MSANTD2: variants seen among roughly 807,000 people sequenced by gnomAD.
MSANTD2 encodes the protein myb/SANT-like DNA-binding domain-containing protein 2.
Under a neutral mutation model 52.6 loss-of-function variants are expected in MSANTD2, and 19 were observed. The ratio of observed to expected loss-of-function variants is 0.36; its 90% confidence interval spans 0.25 to 0.53. The LOEUF (loss-of-function observed/expected upper bound fraction) is 0.53. Ranked by LOEUF, MSANTD2 falls within the 20% of genes least tolerant of loss-of-function variation. The pLI, the probability that MSANTD2 is intolerant of heterozygous loss-of-function variation, is 0.91. For synonymous variants in MSANTD2, 291 were observed against 289.7 expected, an observed-to-expected ratio of 1.00 and a Z score of -0.04; for missense variants, 558 against 716.3, an observed-to-expected ratio of 0.78 and a Z score of 2.52.
Position 124,766,908 on chromosome 11 carries a change from AT to A in MSANTD2, c.*267del, listed in dbSNP as rs1944319987. ...TTAGGGCTCTAAAATCCATTTAAAAATTGTTTTTCTGTTTTTAAAAAAGAAA... is the reference window on the plus strand; with the variant it reads ...TTAGGGCTCTAAAATCCATTTAAAAATGTTTTTCTGTTTTTAAAAAAGAAA... On this transcript the variant is annotated 3_prime_UTR_variant, in exon 4 of 4. Coordinates refer to ENST00000374979, the MANE Select transcript of MSANTD2 (RefSeq NM_001308027.2). 3.1e-6 allele frequency: 1 copy of A among 321,068 alleles called. No individual in the cohort carries two copies. The highest frequency in any genetic ancestry group is 5.6e-6 in the Non-Finnish European group (1 of 177,122). The allele number at this position is 321,068 out of a possible 1,614,324, so 19.9% of individuals were successfully genotyped here.
In MSANTD2 at chr11:124,767,429, T is replaced by C; in HGVS notation, c.1427A>G (p.Tyr476Cys). 1.2e-6 allele frequency: 2 copies of C among 1,614,104 alleles called. No individual in the cohort carries two copies. The highest frequency in any genetic ancestry group is 1.7e-6 in the Non-Finnish European group (2 of 1,180,012). Residue 476 changes from tyrosine (Y) to cysteine (C), a missense_variant, in exon 4 of 4, where the codon TAC (tyrosine) becomes TGC (cysteine). By Grantham distance (194) the Tyr-to-Cys change is radical. This residue lies in a region of MSANTD2 where 408 missense variants were observed against 573.6 expected (regional missense o/e 0.71). Coordinates refer to ENST00000374979, the MANE Select transcript of MSANTD2 (RefSeq NM_001308027.2). The surrounding 1 kb of genome is among the most constrained non-coding windows in gnomAD (Gnocchi z 6.5). ...EIEPTRIIYC[Y>C]LGIAEVRTLQ... Reference sequence around the variant, plus strand: ...AGTCCTGACCTCAGCAATCCCGAGGTAGCAATAGATAATTCGGGTGGGTTC... The same window carrying C: ...AGTCCTGACCTCAGCAATCCCGAGGCAGCAATAGATAATTCGGGTGGGTTC...
rs1344075881 is a variant in MSANTD2, at chr11:124,774,410, T to C, written c.766+309A>G. On this transcript the variant is annotated intron_variant, in intron 2 of 3. Transcript: ENST00000374979. The surrounding 1 kb of genome is among the most constrained non-coding windows in gnomAD (Gnocchi z 5.1). ...GGATGTTACCTGTCACTGAGTGTAC[T>C]TGTATAGCTCAGAATTAGAAATTCT... Among the ~76,000 whole-genome samples, 1 of 152,240 alleles carries C rather than the reference T, an allele frequency of 6.6e-6. No homozygotes were observed. Among genetic ancestry groups the C allele is most frequent in the African/African-American group, 2.4e-5 (1 of 41,462 alleles).
Position 124,779,586 on chromosome 11 carries a change from C to T in MSANTD2, c.511-4612G>A, listed in dbSNP as rs544428429. On this transcript the variant is annotated intron_variant, in intron 1 of 3. Coordinates refer to ENST00000374979, the MANE Select transcript of MSANTD2 (RefSeq NM_001308027.2). This position sits in a 1 kb window ranked among gnomAD's most constrained non-coding sequence, Gnocchi z 4.6. ...AAATGTATTGTTTAGAAAACATTGG[C>T]TTGATCAGTCTAAGATGTCAGATGA... Among the ~76,000 whole-genome samples the T allele has an allele frequency of 3.9e-5, 6 of 152,304 alleles. No homozygotes were observed. The East Asian group carries it at 1.2e-3, about 29-fold the overall frequency.
intron 1 of MSANTD2, among the ~76,000 whole-genome samples, chr11:124,788,390 T>A (rs1176010095): frequency 6.6e-6 from 1 of 152,208 alleles, no homozygotes; most frequent in East Asian, 1.9e-4. Flanking sequence ...GGAATTAAAA[T>A]CAGACTTACC....
At chr11:124,772,554 G>A (rs1162994213) in intron 3 of MSANTD2, among the ~76,000 whole-genome samples, 1 of 152,024 alleles carries the variant, frequency 6.6e-6, no homozygotes, top group Non-Finnish European at 1.5e-5. Flanking sequence ...TGGCTAACAC[G>A]ATGAAACCCC....
At position 124,768,092 on chromosome 11, in the gene MSANTD2, TC is replaced by T. The variant is rs572546579; in HGVS notation, c.828-65del. The T allele has an allele frequency of 9.1e-4, 1,346 of 1,474,026 alleles. 17 individuals carry two copies. The Middle Eastern group carries it at 0.015, about 17-fold the overall frequency. 91.3% of individuals were successfully genotyped at this position (1,474,026 alleles called of 1,614,324 possible). ...AGAACAGCGGTGTCAGATAGAACTTTCTGTGATGATGGAAATGTTCTGTATC... is the reference window on the plus strand; with the variant it reads ...AGAACAGCGGTGTCAGATAGAACTTTTGTGATGATGGAAATGTTCTGTATC... On this transcript the variant is annotated intron_variant, in intron 3 of 3. Coordinates refer to ENST00000374979, the MANE Select transcript of MSANTD2 (RefSeq NM_001308027.2).
intron 1 of MSANTD2, chr11:124,792,330 G>C (rs115465244): frequency 6.6e-6 from 1 of 152,166 alleles, no homozygotes; most frequent in East Asian, 1.9e-4. Flanking sequence ...CATCATTTAC[G>C]GCTCCCACAT....
chr11:124,784,510 C>T (rs944778147), intron 1 of MSANTD2: 6 of 984,376 alleles, frequency 6.1e-6, no homozygotes, highest in Middle Eastern at 5.2e-4. Context: ...CAAAAATCCG[C>T]ACACAGCTTT....
At chr11:124,775,701 C>T (rs1042673799) in intron 1 of MSANTD2, 2 of 152,238 alleles carry the variant, frequency 1.3e-5, no homozygotes, top group Non-Finnish European at 2.9e-5. Context: ...AACAAACCAA[C>T]AAATGAAGCC....
At chr11:124,790,141 T>C (rs187689773) in intron 1 of MSANTD2, 2 of 152,372 alleles carry the variant, frequency 1.3e-5, no homozygotes, top group African/African-American at 4.8e-5. Flanking sequence ...TCTAGCTACA[T>C]GACACTTAAC....
chr11:124,776,852 G>A (rs1294785826), intron 1 of MSANTD2, among the ~76,000 whole-genome samples: 3 of 152,180 alleles, frequency 2.0e-5, no homozygotes, highest in African/African-American at 7.2e-5. Flanking sequence ...AGCCTCAAAT[G>A]ATGCCTTAGA....
intron 1 of MSANTD2, among the ~76,000 whole-genome samples, chr11:124,782,790 T>C (rs1207943257): frequency 4.6e-5 from 7 of 152,174 alleles, no homozygotes; most frequent in African/African-American, 1.2e-4. Context: ...TTTAAAGTAG[T>C]AAATCACTAG....
At chr11:124,789,165 ATTC>A (rs1945256304) in intron 1 of MSANTD2, 1 of 152,200 alleles carries the variant, frequency 6.6e-6, no homozygotes, top group African/African-American at 2.4e-5. Context: ...GACCTATCCT[ATTC>A]TTTCTAAATT....
chr11:124,785,443 A>G (rs2135256697), intron 1 of MSANTD2, among the ~76,000 whole-genome samples: 1 of 152,358 alleles, frequency 6.6e-6, no homozygotes, highest in South Asian at 2.1e-4. Context: ...GCACAGAAAG[A>G]AGTTAAAGTA....
At chr11:124,768,832 CT>C (rs1189281519) in intron 3 of MSANTD2, among the ~76,000 whole-genome samples, 1 of 152,190 alleles carries the variant, frequency 6.6e-6, no homozygotes, top group Non-Finnish European at 1.5e-5. Flanking sequence ...GACTCATATA[CT>C]TAACAGAAGA....
At chr11:124,790,214 G>A (rs1424655197) in intron 1 of MSANTD2, 1 of 152,190 alleles carries the variant, frequency 6.6e-6, no homozygotes, top group African/African-American at 2.4e-5. Flanking sequence ...AAAAGTCGGG[G>A]GGGAAAGCAG....
intron 1 of MSANTD2, among the ~76,000 whole-genome samples, chr11:124,795,125 C>T (rs974668121): frequency 2.0e-5 from 3 of 152,148 alleles, no homozygotes; most frequent in Non-Finnish European, 4.4e-5. Context: ...GTGATATGCC[C>T]GCCTCAGCCT....
At chr11:124,776,661 A>G (rs1038672403) in intron 1 of MSANTD2, among the ~76,000 whole-genome samples, 1 of 152,216 alleles carries the variant, frequency 6.6e-6, no homozygotes, top group African/African-American at 2.4e-5. Flanking sequence ...ATACTTTAAA[A>G]ATTTGTCCCT....
At chr11:124,783,884 T>C in intron 1 of MSANTD2, 1 of 985,388 alleles carries the variant, frequency 1.0e-6, no homozygotes. Flanking sequence ...CTATGTGTGC[T>C]TCTCATGGAC....
Sources: gnomAD v4.1 joint callset for allele counts (sites outside exome capture counted in the v4.1 genomes callset) on GRCh38, gnomAD v4.1.1 for gene constraint, gnomAD v4.1.1 regional missense constraint, Gnocchi (gnomAD v3.1) non-coding constraint, MANE v1.5 for transcripts, NCBI Gene and HGNC (gene_info 2026-07-23, HGNC 2026-07-21) for gene names.